The following CHLSN variants were observed in gnomAD, a reference collection of about 807,000 sequenced individuals.
CHLSN encodes cholesin.
At chr7:1,088,546 CCTTT>C in the CHLSN span, among the ~76,000 whole-genome samples, 2 of 152,190 alleles carry the variant, frequency 1.3e-5, no homozygotes, top group African/African-American at 2.4e-5. The surrounding 1 kb of genome is among the most constrained non-coding windows in gnomAD (Gnocchi z 4.5). Flanking sequence ...GCCTGGACGG[CCTTT>C]CTAACTCGTG....
the CHLSN span, among the ~76,000 whole-genome samples, chr7:990,799 T>C: frequency 2.0e-4 from 30 of 152,166 alleles, 1 homozygote; most frequent in African/African-American, 7.0e-4. Flanking sequence ...AACGGGGTCC[T>C]GGCGCCAGGT....
the CHLSN span, chr7:985,169 G>A: frequency 1.3e-5 from 20 of 1,580,892 alleles, no homozygotes; most frequent in South Asian, 2.3e-5. Flanking sequence ...CTCGCAGGCC[G>A]GCCCTTCCCG....
At chr7:1,070,923 GCA>G in the CHLSN span, among the ~76,000 whole-genome samples, 1 of 109,838 alleles carries the variant, frequency 9.1e-6, no homozygotes, top group South Asian at 3.0e-4. Context: ...CACACAGCAC[GCA>G]CAGACACGCA....
At chr7:1,076,808 C>T in the CHLSN span, among the ~76,000 whole-genome samples, 4 of 152,252 alleles carry the variant, frequency 2.6e-5, no homozygotes, top group Non-Finnish European at 5.9e-5. Flanking sequence ...GGGACTTGCA[C>T]GCCTTGCCTG....
At chr7:1,064,867 A>C in the CHLSN span, among the ~76,000 whole-genome samples, 1 of 152,228 alleles carries the variant, frequency 6.6e-6, no homozygotes, top group African/African-American at 2.4e-5. Flanking sequence ...CAGGGCGCAC[A>C]GAAGGCCCCA....
At chr7:1,066,478 C>A in the CHLSN span, among the ~76,000 whole-genome samples, 1 of 152,232 alleles carries the variant, frequency 6.6e-6, no homozygotes, top group Admixed American at 6.5e-5. Context: ...TTTCCCTTCC[C>A]TACAAACTGT....
chr7:1,065,632 C>T, the CHLSN span, among the ~76,000 whole-genome samples: 1 of 152,174 alleles, frequency 6.6e-6, no homozygotes, highest in African/African-American at 2.4e-5. Flanking sequence ...AGCGACACAG[C>T]GGCGACGAGG....
At chr7:992,668 G>A in the CHLSN span, among the ~76,000 whole-genome samples, 1 of 152,242 alleles carries the variant, frequency 6.6e-6, no homozygotes, top group Non-Finnish European at 1.5e-5. Context: ...CTGGAAGCCG[G>A]CCTCACTCTG....
chr7:1,124,047 G>A, the CHLSN span, among the ~76,000 whole-genome samples: 15 of 152,240 alleles, frequency 9.9e-5, no homozygotes, highest in Non-Finnish European at 1.6e-4. Context: ...CGGCAGCTGC[G>A]TGTTACAGAC....
the CHLSN span, among the ~76,000 whole-genome samples, chr7:1,103,770 C>A: frequency 6.6e-6 from 1 of 152,250 alleles, no homozygotes; most frequent in South Asian, 2.1e-4. Flanking sequence ...CTCCCCAGCC[C>A]CTGAGACGGG....
chr7:1,014,787 CG>C, the CHLSN span, among the ~76,000 whole-genome samples: 1 of 152,214 alleles, frequency 6.6e-6, no homozygotes, highest in Non-Finnish European at 1.5e-5. Flanking sequence ...CCACATTGGC[CG>C]CCGGCCACGG....
the CHLSN span, chr7:1,058,173 CTG>C: frequency 2.7e-6 from 2 of 739,962 alleles, no homozygotes; most frequent in Non-Finnish European, 5.0e-6. Flanking sequence ...GGACACGCCC[CTG>C]GACCGGGACA....
the CHLSN span, among the ~76,000 whole-genome samples, chr7:1,089,993 A>G: frequency 6.6e-6 from 1 of 152,052 alleles, no homozygotes. Context: ...CTGAGGCAGG[A>G]GAACCACTCT....
At chr7:1,107,196 G>A in the CHLSN span, among the ~76,000 whole-genome samples, 1 of 152,260 alleles carries the variant, frequency 6.6e-6, no homozygotes, top group African/African-American at 2.4e-5. Flanking sequence ...ACACCCACCC[G>A]GAAAAACTGC....
At chr7:997,945 GGCCACAGACCCT>G in the CHLSN span, 2 of 695,514 alleles carry the variant, frequency 2.9e-6, no homozygotes, top group African/African-American at 3.7e-5. Flanking sequence ...TGGGCGGCCT[GGCCACAGACCCT>G]GCCCCAGACA....
At chr7:1,081,734 ATGG>A in the CHLSN span, among the ~76,000 whole-genome samples, 1,618 of 149,294 alleles carry the variant, frequency 0.011, 31 homozygotes, top group African/African-American at 0.038. Context: ...TCTCGAACCC[ATGG>A]CTTTCTTCTG....
At chr7:998,485 C>T in the CHLSN span, among the ~76,000 whole-genome samples, 6 of 130,950 alleles carry the variant, frequency 4.6e-5, no homozygotes, top group African/African-American at 5.8e-5. Context: ...TTTTTTGAGC[C>T]GGTCTTGCTC....
the CHLSN span, chr7:1,093,351 C>T: frequency 1.2e-5 from 5 of 424,394 alleles, no homozygotes; most frequent in Non-Finnish European, 2.0e-5. Flanking sequence ...GTCCTCTGTG[C>T]CCACGGTCTG....
chr7:1,005,938 G>C, the CHLSN span, among the ~76,000 whole-genome samples: 1 of 152,266 alleles, frequency 6.6e-6, no homozygotes, highest in African/African-American at 2.4e-5. Flanking sequence ...GGACCAGGGA[G>C]GCAGCGGTCA....
Sources: gnomAD v4.1 joint callset for allele counts (sites outside exome capture counted in the v4.1 genomes callset) on GRCh38, gnomAD v4.1.1 for gene constraint, Gnocchi (gnomAD v3.1) non-coding constraint, MANE v1.5 for transcripts, NCBI Gene and HGNC (gene_info 2026-07-23, HGNC 2026-07-21) for gene names.